MAF: variants seen among roughly 807,000 people sequenced by gnomAD.
MAF encodes the protein transcription factor Maf.
In MAF, 10 loss-of-function variants were observed where a neutral mutation model predicts 22.0. The ratio of observed to expected loss-of-function variants is 0.45; its 90% CI spans 0.28 to 0.77. MAF has a LOEUF of 0.77. Among genes scored for constraint, MAF ranks in the 30% least tolerant of loss-of-function variants. The pLI, the probability that MAF is intolerant of heterozygous loss-of-function variation, is 0.12. For missense variants in MAF, 544 were observed against 548.4 expected (o/e 0.99, Z 0.08); for synonymous variants, 337 against 255.8 (o/e 1.32, Z -3.03).
At chr16:79,546,140 A>G in the MAF span, among the ~76,000 whole-genome samples, 1 of 152,280 alleles carries the variant, frequency 6.6e-6, no homozygotes, top group East Asian at 1.9e-4. Context: ...GGTTAAAGAG[A>G]TGGGATGAAC....
the MAF span, among the ~76,000 whole-genome samples, chr16:79,388,713 G>C: frequency 1.3e-5 from 2 of 152,140 alleles, no homozygotes; most frequent in Admixed American, 1.3e-4. Context: ...AAATATACAG[G>C]AAAATTTAGA....
chr16:79,217,269 T>C, the MAF span, among the ~76,000 whole-genome samples: 1 of 152,214 alleles, frequency 6.6e-6, no homozygotes, highest in Non-Finnish European at 1.5e-5. Context: ...AGTCAGGATG[T>C]GAAGCCAGCT....
the MAF span, among the ~76,000 whole-genome samples, chr16:79,368,989 CTCCG>C: frequency 1.2e-4 from 19 of 152,334 alleles, no homozygotes; most frequent in South Asian, 3.9e-3. Context: ...AGAGAACAGG[CTCCG>C]TGAGGGCAAG....
chr16:79,558,209 G>T, the MAF span, among the ~76,000 whole-genome samples: 118 of 152,270 alleles, frequency 7.7e-4, 1 homozygote, highest in Non-Finnish European at 2.9e-4. Context: ...CAGCCGGAAA[G>T]AGTGTGAAAG....
At chr16:79,286,386 C>T in the MAF span, among the ~76,000 whole-genome samples, 1 of 152,132 alleles carries the variant, frequency 6.6e-6, no homozygotes, top group African/African-American at 2.4e-5. Context: ...GCTGAGGTCA[C>T]CTGATATTGA....
At chr16:79,261,582 TTCTCTGGGGGAAAGATG>T in the MAF span, among the ~76,000 whole-genome samples, 7 of 152,202 alleles carry the variant, frequency 4.6e-5, no homozygotes, top group Non-Finnish European at 7.3e-5. Context: ...TCTCATGCCC[TTCTCTGGGGGAAAGATG>T]CCTCTATAGA....
chr16:79,262,772 C>T, the MAF span, among the ~76,000 whole-genome samples: 18 of 151,972 alleles, frequency 1.2e-4, no homozygotes. Context: ...TAATGGGACT[C>T]AACTCCCAGC....
the MAF span, among the ~76,000 whole-genome samples, chr16:79,208,784 G>C: frequency 6.6e-6 from 1 of 152,198 alleles, no homozygotes; most frequent in Non-Finnish European, 1.5e-5. Flanking sequence ...TTACTAAACT[G>C]TCATCACATC....
the MAF span, among the ~76,000 whole-genome samples, chr16:79,540,849 TAGC>T: frequency 3.6e-3 from 543 of 152,308 alleles, 5 homozygotes; most frequent in African/African-American, 0.013. Flanking sequence ...GTAAAAAATT[TAGC>T]GGCATCTGCA....
the MAF span, among the ~76,000 whole-genome samples, chr16:79,410,303 C>A: frequency 0.039 from 5,886 of 152,340 alleles, 361 homozygotes; most frequent in African/African-American, 0.13. Context: ...ATTTGCGAAT[C>A]TTTCATTGCT....
At chr16:79,316,168 A>G in the MAF span, among the ~76,000 whole-genome samples, 2 of 152,222 alleles carry the variant, frequency 1.3e-5, no homozygotes, top group African/African-American at 4.8e-5. Context: ...GACTCACCCA[A>G]AATGCGAGCT....
the MAF span, among the ~76,000 whole-genome samples, chr16:79,272,354 T>C: frequency 2.6e-5 from 4 of 152,206 alleles, no homozygotes; most frequent in African/African-American, 9.6e-5. Flanking sequence ...AAGCCCCCTT[T>C]AGTACGAGCC....
At chr16:79,549,368 C>G in the MAF span, among the ~76,000 whole-genome samples, 1 of 152,194 alleles carries the variant, frequency 6.6e-6, no homozygotes, top group Non-Finnish European at 1.5e-5. Context: ...CAGCTCCACT[C>G]CAGGCTGGGA....
chr16:79,277,411 C>T, the MAF span, among the ~76,000 whole-genome samples: 4 of 152,134 alleles, frequency 2.6e-5, no homozygotes, highest in African/African-American at 4.8e-5. Context: ...CTTTGCAATG[C>T]CTGGGTCAAC....
At chr16:79,466,017 T>G in the MAF span, among the ~76,000 whole-genome samples, 1 of 152,214 alleles carries the variant, frequency 6.6e-6, no homozygotes, top group East Asian at 1.9e-4. Context: ...AAAGGATGAA[T>G]GAATGAATGA....
chr16:79,207,223 A>G, the MAF span, among the ~76,000 whole-genome samples: 1 of 152,224 alleles, frequency 6.6e-6, no homozygotes, highest in Non-Finnish European at 1.5e-5. Flanking sequence ...TGGTGTATTC[A>G]CAGAGTCAAT....
chr16:79,562,881 A>G, the MAF span, among the ~76,000 whole-genome samples: 2 of 152,314 alleles, frequency 1.3e-5, no homozygotes, highest in East Asian at 3.9e-4. Flanking sequence ...GGTCCAGAAA[A>G]CAGAGTAGAT....
chr16:79,486,322 A>G, the MAF span, among the ~76,000 whole-genome samples: 594 of 152,292 alleles, frequency 3.9e-3, 2 homozygotes, highest in African/African-American at 0.014. Context: ...CAAAATGGTT[A>G]TTTTCACTCA....
the MAF span, among the ~76,000 whole-genome samples, chr16:79,423,353 C>A: frequency 6.6e-6 from 1 of 152,068 alleles, no homozygotes. Flanking sequence ...AGGAGGCCAG[C>A]GTGTCCAAGA....
Sources: allele counts gnomAD v4.1 joint callset (sites outside exome capture counted in the v4.1 genomes callset), GRCh38; gene constraint gnomAD v4.1.1; transcripts MANE v1.5; gene names NCBI Gene and HGNC (gene_info 2026-07-23, HGNC 2026-07-21).